The following TMEM74 variants were observed in gnomAD, a reference collection of about 807,000 sequenced individuals.
TMEM74 encodes the protein transmembrane protein 74.
In TMEM74, 13 loss-of-function variants were observed where a neutral mutation model predicts 18.1. That is an observed-to-expected ratio of 0.72 (90% CI 0.47 to 1.14). TMEM74 has a LOEUF of 1.14. TMEM74 is among the 50% of genes most tolerant of loss of function. The pLI is 0.00. For missense variants in TMEM74, 372 were observed against 375.9 expected (o/e 0.99, Z 0.09); for synonymous variants, 159 against 146.6 (o/e 1.08, Z -0.61).
chr8:108,649,381 T>C (rs917619263), intron 2 of TMEM74, among the ~76,000 whole-genome samples: 1 of 152,136 alleles, frequency 6.6e-6, no homozygotes, highest in African/African-American at 2.4e-5. Context: ...GAAAACTAGA[T>C]GGCAAATAAA....
chr8:108,614,031 T>C (rs868506360), intron 2 of TMEM74, among the ~76,000 whole-genome samples: 1 of 141,628 alleles, frequency 7.1e-6, no homozygotes. Context: ...ACCATTTTCA[T>C]AAGGTTTTTT....
At chr8:108,662,910 G>T (rs1211952890) in intron 1 of TMEM74, among the ~76,000 whole-genome samples, 1 of 152,076 alleles carries the variant, frequency 6.6e-6, no homozygotes, top group Non-Finnish European at 1.5e-5. Context: ...GAACATGGGG[G>T]AACTCTATTC....
In TMEM74 at chr8:108,782,253, T is replaced by C. The variant is rs1254988152; in HGVS notation, c.*1928A>G. ...ACTGGTAAGGCAGCCTCAACAAAAA[T>C]CATGAAATGAGAGTCACAGTAAAAC... On this transcript the variant is annotated 3_prime_UTR_variant, in exon 2 of 2. Coordinates refer to ENST00000297459, the MANE Select transcript of TMEM74 (RefSeq NM_153015.3). Among the ~76,000 whole-genome samples the C allele has an allele frequency of 6.6e-6, 1 of 152,114 alleles. No homozygotes were observed. The highest frequency in any genetic ancestry group is 2.4e-5 in the African/African-American group (1 of 41,418).
chr8:108,702,359 A>AAG (rs1554573723), intron 1 of TMEM74, among the ~76,000 whole-genome samples: 1 of 151,298 alleles, frequency 6.6e-6, no homozygotes, highest in African/African-American at 2.4e-5. Context: ...AAAAAAAAAA[A>AAG]AAAGAAAGAA....
intron 3 of TMEM74, chr8:108,607,780 A>G (rs1408969630): frequency 6.6e-6 from 1 of 152,214 alleles, no homozygotes; most frequent in African/African-American, 2.4e-5. Context: ...AAAACAAGCA[A>G]GAAAATGGAT....
At chr8:108,712,498 AC>A (rs1379313284) in intron 1 of TMEM74, among the ~76,000 whole-genome samples, 1 of 152,130 alleles carries the variant, frequency 6.6e-6, no homozygotes, top group African/African-American at 2.4e-5. Flanking sequence ...GCACTGGCAC[AC>A]CATGGCAGAT....
intron 2 of TMEM74, among the ~76,000 whole-genome samples, chr8:108,628,355 C>T (rs1812516744): frequency 1.3e-5 from 2 of 152,048 alleles, no homozygotes. Context: ...TGCAAAAACT[C>T]AGTTCTCTGC....
chr8:108,715,346 C>G (rs942967256), intron 1 of TMEM74, among the ~76,000 whole-genome samples: 1 of 151,894 alleles, frequency 6.6e-6, no homozygotes, highest in African/African-American at 2.4e-5. Flanking sequence ...GGGGATCATT[C>G]ATACCCCAAA....
chr8:108,669,212 T>C (rs1812978436), intron 1 of TMEM74, among the ~76,000 whole-genome samples: 1 of 152,144 alleles, frequency 6.6e-6, no homozygotes, highest in Admixed American at 6.6e-5. Context: ...TAACTTCTCC[T>C]TTCTGCCTGA....
At chr8:108,696,544 G>A (rs1047829214) in intron 1 of TMEM74, among the ~76,000 whole-genome samples, 15 of 152,192 alleles carry the variant, frequency 9.9e-5, no homozygotes, top group Non-Finnish European at 1.3e-4. Context: ...GGCATAAAAT[G>A]AGAAATATAA....
At chr8:108,608,217 G>A (rs186996668) in intron 3 of TMEM74, among the ~76,000 whole-genome samples, 176 of 150,812 alleles carry the variant, frequency 1.2e-3, no homozygotes, top group Admixed American at 4.0e-3. Context: ...CAGGAGAATC[G>A]CTTGAACCTG....
downstream of TMEM74, among the ~76,000 whole-genome samples, chr8:108,774,775 TTTC>T (rs1814209916): frequency 6.6e-6 from 1 of 151,032 alleles, no homozygotes; most frequent in African/African-American, 2.4e-5. Context: ...TTTTTTTTTT[TTTC>T]TGTAGAGACC....
intron 1 of TMEM74, among the ~76,000 whole-genome samples, chr8:108,726,922 T>C (rs1318800801): frequency 1.3e-5 from 2 of 152,142 alleles, no homozygotes; most frequent in African/African-American, 4.8e-5. Flanking sequence ...TTTCATTCAA[T>C]ATTACAGAGC....
chr8:108,637,370 T>C (rs1478528151), intron 2 of TMEM74, among the ~76,000 whole-genome samples: 1 of 152,080 alleles, frequency 6.6e-6, no homozygotes, highest in Non-Finnish European at 1.5e-5. Flanking sequence ...AATGCCCACT[T>C]CCTAATCTCT....
intron 1 of TMEM74, among the ~76,000 whole-genome samples, chr8:108,708,809 C>CAAAAAAAAAAAAAAAAAAAA (rs71564016): frequency 5.6e-5 from 1 of 17,950 alleles, no homozygotes; most frequent in Non-Finnish European, 8.4e-5. Flanking sequence ...AACTCAATAG[C>CAAAAAAAAAAAAAAAAAAAA]AAAAAAAAAA....
At chr8:108,768,124 A>G (rs1031604407) in intron 1 of TMEM74, among the ~76,000 whole-genome samples, 30 of 152,138 alleles carry the variant, frequency 2.0e-4, no homozygotes, top group African/African-American at 7.2e-4. Flanking sequence ...ACCATTAGCC[A>G]TCTTCACTTA....
chr8:108,641,600 GTCT>G (rs1159962804), intron 2 of TMEM74, among the ~76,000 whole-genome samples: 1 of 152,142 alleles, frequency 6.6e-6, no homozygotes, highest in Non-Finnish European at 1.5e-5. Context: ...GCATGGGACT[GTCT>G]TCTGTTGTAC....
chr8:108,776,728 C>CATG (rs71305917), downstream of TMEM74, among the ~76,000 whole-genome samples: 15,824 of 147,918 alleles, frequency 0.11, 842 homozygotes, highest in African/African-American at 0.14. Context: ...GCAGTTTCCA[C>CATG]ATGATGATGA....
chr8:108,693,419 T>C lies in TMEM74; in HGVS notation n.120-37982A>G, dbSNP rs539920015. Among the ~76,000 whole-genome samples, 4 of 152,334 alleles carry C rather than the reference T, an allele frequency of 2.6e-5. No individual in the cohort carries two copies. The East Asian group carries it at 7.7e-4, about 29-fold the overall frequency. On this transcript the variant is annotated intron_variant and non_coding_transcript_variant, in intron 1 of 3. Coordinates refer to the TMEM74 transcript ENST00000518838. ...CCGTATCTACTTTCATACTGTCCCC[T>C]TTTCAAGGATAATTGGAGGCAAGAC... is the stretch of plus-strand genomic sequence containing the variant.
Sources: allele counts gnomAD v4.1 joint callset (sites outside exome capture counted in the v4.1 genomes callset), GRCh38; gene constraint gnomAD v4.1.1; transcripts MANE v1.5; gene names NCBI Gene and HGNC (gene_info 2026-07-23, HGNC 2026-07-21).